The following CELF2 variants were observed in gnomAD, a reference collection of about 807,000 sequenced individuals.
CELF2 encodes CUGBP Elav-like family member 2, also known as CUG triplet repeat RNA-binding protein 2.
CELF2 carries 8 observed loss-of-function variants against 62.6 expected under a neutral mutation model. That is an observed-to-expected ratio of 0.13 (90% confidence interval 0.07 to 0.23). CELF2 has a LOEUF of 0.23. Among genes scored for constraint, CELF2 ranks in the 10% least tolerant of loss-of-function variants. The pLI is 1.00. For missense variants in CELF2, 333 were observed against 671.0 expected, an observed-to-expected ratio of 0.50 and a Z score of 5.56; for synonymous variants, 258 against 250.0, an observed-to-expected ratio of 1.03 and a Z score of -0.30.
intron 1 of CELF2, among the ~76,000 whole-genome samples, chr10:10,841,426 G>A (rs1367703742): frequency 6.6e-6 from 1 of 151,456 alleles, no homozygotes; most frequent in Non-Finnish European, 1.5e-5. Context: ...TTATATCTGA[G>A]TTAATTTTAT....
chr10:11,036,812 TTA>T (rs2061028543), intron 1 of CELF2, among the ~76,000 whole-genome samples: 1 of 152,226 alleles, frequency 6.6e-6, no homozygotes, highest in South Asian at 2.1e-4. Flanking sequence ...GGTTGTTTTT[TTA>T]TGTCATGAAA....
the CELF2 span, among the ~76,000 whole-genome samples, chr10:10,782,142 T>G: frequency 2.0e-5 from 3 of 152,186 alleles, no homozygotes; most frequent in African/African-American, 7.2e-5. Flanking sequence ...ACTAATCCCC[T>G]GTGGATCCCA....
chr10:10,976,168 T>TG (rs1353958633), intron 2 of CELF2, among the ~76,000 whole-genome samples: 7 of 152,212 alleles, frequency 4.6e-5, no homozygotes, highest in Non-Finnish European at 1.0e-4. Flanking sequence ...GTGTCTTAAC[T>TG]TCATCCCGTT....
chr10:10,584,944 A>G, the CELF2 span, among the ~76,000 whole-genome samples: 129 of 152,256 alleles, frequency 8.5e-4, 2 homozygotes, highest in South Asian at 0.018. Context: ...GAAGGAGGAA[A>G]TTTTGAGAGA....
chr10:10,856,591 T>C (rs2059724714), intron 1 of CELF2, among the ~76,000 whole-genome samples: 1 of 152,204 alleles, frequency 6.6e-6, no homozygotes. Flanking sequence ...TATTTTTTAC[T>C]TTATTATTCT....
At chr10:10,774,085 A>G in the CELF2 span, among the ~76,000 whole-genome samples, 2 of 152,212 alleles carry the variant, frequency 1.3e-5, no homozygotes, top group African/African-American at 4.8e-5. Context: ...GAATCAGGCC[A>G]TTTATGCTGC....
At chr10:11,120,967 C>G (rs370264738) in intron 1 of CELF2, among the ~76,000 whole-genome samples, 7 of 152,172 alleles carry the variant, frequency 4.6e-5, no homozygotes, top group Non-Finnish European at 2.9e-5. Flanking sequence ...CATTTGCAGA[C>G]GTGCCAAGAG....
chr10:11,233,922 G>A (rs1244558482), intron 3 of CELF2, among the ~76,000 whole-genome samples: 4 of 152,210 alleles, frequency 2.6e-5, no homozygotes, highest in Non-Finnish European at 5.9e-5. Context: ...GTGTGCCAGA[G>A]TTGTACATCA....
chr10:11,221,114 G>T (rs564297947), intron 3 of CELF2, among the ~76,000 whole-genome samples: 7 of 152,346 alleles, frequency 4.6e-5, no homozygotes, highest in Admixed American at 3.3e-4. Context: ...ATCTGCACAG[G>T]CTGGGCTACC....
intron 1 of CELF2, among the ~76,000 whole-genome samples, chr10:10,849,393 C>G (rs1250026321): frequency 2.0e-5 from 3 of 152,110 alleles, no homozygotes; most frequent in South Asian, 2.1e-4. Flanking sequence ...GGTGACAGAG[C>G]AAGACTCCAT....
At chr10:10,716,413 C>T in the CELF2 span, among the ~76,000 whole-genome samples, 13 of 152,140 alleles carry the variant, frequency 8.5e-5, no homozygotes, top group South Asian at 2.1e-4. Flanking sequence ...TGGTGGCACA[C>T]GCCTGTAGTC....
At chr10:11,028,213 C>G (rs1348204355) in intron 1 of CELF2, among the ~76,000 whole-genome samples, 1 of 152,110 alleles carries the variant, frequency 6.6e-6, no homozygotes, top group Non-Finnish European at 1.5e-5. Context: ...AACTAGTGGT[C>G]AGACCTTTCC....
chr10:10,630,439 G>A, the CELF2 span, among the ~76,000 whole-genome samples: 1 of 152,264 alleles, frequency 6.6e-6, no homozygotes, highest in East Asian at 1.9e-4. Context: ...AGAGACCACT[G>A]GGATCTCTAT....
intron 1 of CELF2, among the ~76,000 whole-genome samples, chr10:11,089,172 T>C (rs1449491904): frequency 6.6e-6 from 1 of 152,140 alleles, no homozygotes; most frequent in Non-Finnish European, 1.5e-5. Flanking sequence ...CCCACTGTCA[T>C]TGGGGATGGC....
chr10:10,824,140 T>C (rs1304477309), intron 1 of CELF2, among the ~76,000 whole-genome samples: 1 of 152,242 alleles, frequency 6.6e-6, no homozygotes. Flanking sequence ...GTTTCTATTA[T>C]ACAACAAATT....
intron 1 of CELF2, among the ~76,000 whole-genome samples, chr10:11,058,461 G>GTTTTTTTTTTTT (rs67113152): frequency 1.4e-4 from 16 of 116,810 alleles, no homozygotes; most frequent in African/African-American, 3.2e-4. Flanking sequence ...TTTTTTGTTG[G>GTTTTTTTTTTTT]TTTTTTTTTT....
rs372657262 is a variant in CELF2 at position 11,280,989 on chromosome 10, C to CGTGCGTGTGTGT, written c.841+5872_841+5873insCGTGTGTGTGTG. ...TGGCGTGCGTGTGCATGCCTGTGTGCGTGTGTGTGTGTGTGTGTGTGTGTG... is the reference window on the plus strand; with the variant it reads ...TGGCGTGCGTGTGCATGCCTGTGTGCGTGCGTGTGTGTGTGTGTGTGTGTGTGTGTGTGTGTG... On this transcript the variant is annotated intron_variant, in intron 8 of 12. Transcript: ENST00000633077. The surrounding 1 kb of genome is among the most constrained non-coding windows in gnomAD (Gnocchi z 7.6). Among the ~76,000 whole-genome samples, 1 of 144,400 alleles carries CGTGCGTGTGTGT rather than the reference C, an allele frequency of 6.9e-6. No individual in the cohort carries two copies. Among genetic ancestry groups the CGTGCGTGTGTGT allele is most frequent in the South Asian group, 2.2e-4 (1 of 4,496 alleles). 94.7% of individuals were successfully genotyped at this position (144,400 alleles called of 152,430 possible).
intron 1 of CELF2, among the ~76,000 whole-genome samples, chr10:10,877,368 A>G (rs772267421): frequency 5.3e-5 from 8 of 152,266 alleles, no homozygotes; most frequent in Non-Finnish European, 1.0e-4. Context: ...TGAGACATCA[A>G]TCATCATAGG....
the CELF2 span, among the ~76,000 whole-genome samples, chr10:10,671,883 C>A: frequency 6.6e-6 from 1 of 152,084 alleles, no homozygotes; most frequent in African/African-American, 2.4e-5. Context: ...GCATACGCTG[C>A]CACACTTGGC....
Sources: allele counts gnomAD v4.1 joint callset (sites outside exome capture counted in the v4.1 genomes callset), GRCh38; gene constraint gnomAD v4.1.1; non-coding constraint Gnocchi (gnomAD v3.1); transcripts MANE v1.5; gene names NCBI Gene and HGNC (gene_info 2026-07-23, HGNC 2026-07-21).